DNAH12: variants seen among roughly 807,000 people sequenced by gnomAD.
The protein encoded by DNAH12 is axonemal beta dynein heavy chain 12.
Under a neutral mutation model 371.5 loss-of-function variants are expected in DNAH12, and 285 were observed. The observed-to-expected ratio is 0.77, with a 90% CI of 0.70 to 0.85. DNAH12 has a LOEUF of 0.85. Among genes scored for constraint, DNAH12 ranks in the 40% least tolerant of loss-of-function variants. DNAH12 has a pLI of 0.00. For missense variants in DNAH12, 3,611 were observed against 3,689.4 expected (o/e 0.98, Z 0.55); for synonymous variants, 1,200 against 1,213.0 (o/e 0.99, Z 0.22).
In DNAH12 at chr3:57,309,145, C is replaced by T. The variant is rs2061534416; in HGVS notation, c.11189+6G>A. The stretch of plus-strand genomic sequence containing the variant: ...CTTCTGAATCACTGGGGATATAGAT[C>T]CTTACTTGTTAAATCTTTCCATTTC... On this transcript the variant is annotated splice_donor_region_variant and intron_variant, in intron 69 of 73. Coordinates refer to ENST00000495027, the MANE Select transcript of DNAH12 (RefSeq NM_001366028.2). The T allele has an allele frequency of 3.3e-6, 5 of 1,523,738 alleles. No homozygotes were observed. The highest frequency in any genetic ancestry group is 4.4e-6 in the Non-Finnish European group (5 of 1,130,408). 94.4% of individuals were successfully genotyped at this position (1,523,738 alleles called of 1,614,324 possible).
chr3:57,311,087 G>C, intron 66 of DNAH12, 137 bp from the exon 67 acceptor site: 2 of 683,166 alleles, frequency 2.9e-6, no homozygotes, highest in Non-Finnish European at 4.8e-6. Context: ...GAGATTGTTA[G>C]TTTTTTTTTG....
intron 12 of DNAH12, among the ~76,000 whole-genome samples, chr3:57,489,116 A>G (rs2153385412): frequency 6.6e-6 from 1 of 152,322 alleles, no homozygotes; most frequent in South Asian, 2.1e-4. Flanking sequence ...AGCCACCCTG[A>G]AAAGTAGGTA....
chr3:57,328,624 G>A (rs2062009098), intron 62 of DNAH12, among the ~76,000 whole-genome samples: 1 of 150,178 alleles, frequency 6.7e-6, no homozygotes, highest in Non-Finnish European at 1.5e-5. Context: ...GGCAAAAACT[G>A]GAAGCATTCC....
Position 57,532,655 on chromosome 3 carries a change from GT to G in DNAH12, c.171-8772del, listed in dbSNP as rs201786460. On this transcript the variant is annotated intron_variant, in intron 2 of 73. Coordinates refer to ENST00000495027, the MANE Select transcript of DNAH12 (RefSeq NM_001366028.2). Reference sequence around the variant, plus strand: ...CTGGATTACCAGACAGAAACTCTTGGTTTTTTTCCCCTTACTCTCTCCCAAA... The same window carrying G: ...CTGGATTACCAGACAGAAACTCTTGGTTTTTTCCCCTTACTCTCTCCCAAA... Among the ~76,000 whole-genome samples the G allele has an allele frequency of 5.6e-4, 85 of 152,260 alleles. 2 individuals are homozygous for G. In the East Asian group the frequency reaches 0.014, roughly 26 times the overall value.
intron 38 of DNAH12, among the ~76,000 whole-genome samples, chr3:57,414,280 A>C (rs2064297785): frequency 6.6e-6 from 1 of 152,238 alleles, no homozygotes; most frequent in South Asian, 2.1e-4. Flanking sequence ...ATCTTTGTAT[A>C]GTATATGCAT....
At position 57,371,076 on chromosome 3, in the gene DNAH12, A is replaced by T. The variant is rs992358327; in HGVS notation, c.8760-2816T>A. Among the ~76,000 whole-genome samples the T allele has an allele frequency of 1.7e-3, 256 of 152,302 alleles. 2 individuals carry two copies. The highest frequency in any genetic ancestry group is 5.8e-3 in the African/African-American group (243 of 41,568). Reference sequence around the variant, plus strand: ...TCATACAGGTTTAGGATATAAATTTATACCACCTGCATGACTGAGGAAACT... The same window carrying T: ...TCATACAGGTTTAGGATATAAATTTTTACCACCTGCATGACTGAGGAAACT... On this transcript the variant is annotated intron_variant, in intron 55 of 73. Coordinates refer to ENST00000495027, the MANE Select transcript of DNAH12 (RefSeq NM_001366028.2).
chr3:57,513,895 A>T (rs1210497327), intron 4 of DNAH12, among the ~76,000 whole-genome samples: 1 of 152,216 alleles, frequency 6.6e-6, no homozygotes, highest in Non-Finnish European at 1.5e-5. Flanking sequence ...ATAAGACTAC[A>T]TATTGAAGTC....
chr3:57,444,590 T>G (rs2065416335), intron 29 of DNAH12, 107 bp downstream of exon 29: 1 of 1,475,014 alleles, frequency 6.8e-7, no homozygotes, highest in South Asian at 1.3e-5. Flanking sequence ...AAATAGGGGA[T>G]TTTCCTCAAA....
chr3:57,472,412 G>A, intron 14 of DNAH12, 134 bp downstream of exon 14: 1 of 1,095,454 alleles, frequency 9.1e-7, no homozygotes, highest in African/African-American at 1.6e-5. Flanking sequence ...GGCCATAAGT[G>A]TGGCCAGTCT....
intron 60 of DNAH12, among the ~76,000 whole-genome samples, chr3:57,341,631 T>C (rs529404873): frequency 6.6e-6 from 1 of 152,102 alleles, no homozygotes; most frequent in Non-Finnish European, 1.5e-5. Flanking sequence ...AAAAATAGAA[T>C]GACATCCCAT....
chr3:57,449,612 G>A (rs981009142), intron 25 of DNAH12, among the ~76,000 whole-genome samples: 2 of 152,216 alleles, frequency 1.3e-5, no homozygotes, highest in Non-Finnish European at 2.9e-5. Context: ...CATTGCCCGG[G>A]GCCGGCAGGG....
At chr3:57,321,248 C>A (rs1004590688) in intron 65 of DNAH12, among the ~76,000 whole-genome samples, 1 of 152,254 alleles carries the variant, frequency 6.6e-6, no homozygotes, top group South Asian at 2.1e-4. Context: ...CACAAAATAT[C>A]CTCTCTTGTT....
chr3:57,536,347 C>T (rs1298776328), intron 2 of DNAH12: 1 of 152,088 alleles, frequency 6.6e-6, no homozygotes, highest in Non-Finnish European at 1.5e-5. Flanking sequence ...CATGTGCTGC[C>T]AAAGTGAGCA....
intron 69 of DNAH12, among the ~76,000 whole-genome samples, chr3:57,305,441 C>T (rs191100916): frequency 0.015 from 2,312 of 152,212 alleles, 36 homozygotes; most frequent in South Asian, 0.049. Flanking sequence ...TCCTCACACC[C>T]GGTCCAGCTT....
At chr3:57,338,271 C>T (rs868927359) in intron 60 of DNAH12, among the ~76,000 whole-genome samples, 1 of 152,242 alleles carries the variant, frequency 6.6e-6, no homozygotes, top group Admixed American at 6.5e-5. Context: ...CTCGGCCTCC[C>T]GAGGTGCTGG....
intron 43 of DNAH12, among the ~76,000 whole-genome samples, chr3:57,397,849 T>C (rs2063777383): frequency 6.6e-6 from 1 of 152,130 alleles, no homozygotes; most frequent in African/African-American, 2.4e-5. Context: ...TTGGGAGGGG[T>C]GGCTGTATTT....
At chr3:57,354,845 T>C (rs2062761247) in intron 59 of DNAH12, among the ~76,000 whole-genome samples, 1 of 152,174 alleles carries the variant, frequency 6.6e-6, no homozygotes, top group Non-Finnish European at 1.5e-5. Context: ...CCCTGGAGAA[T>C]TATGCTGAGT....
At chr3:57,326,541 A>C (rs1490805935) in intron 62 of DNAH12, among the ~76,000 whole-genome samples, 5 of 152,322 alleles carry the variant, frequency 3.3e-5, no homozygotes, top group East Asian at 1.9e-4. Context: ...GCCTGCCCTA[A>C]AAGAGCTCCT....
intron 13 of DNAH12, among the ~76,000 whole-genome samples, chr3:57,478,051 G>C (rs559180053): frequency 2.6e-5 from 4 of 152,204 alleles, no homozygotes; most frequent in Non-Finnish European, 5.9e-5. Flanking sequence ...CTCCTCACCA[G>C]CAATGGAACA....
Sources: gnomAD v4.1 joint callset for allele counts (sites outside exome capture counted in the v4.1 genomes callset) on GRCh38, gnomAD v4.1.1 for gene constraint, MANE v1.5 for transcripts, NCBI Gene and HGNC (gene_info 2026-07-23, HGNC 2026-07-21) for gene names.